The following ABHD2 variants were observed in gnomAD, a reference collection of about 807,000 sequenced individuals.
ABHD2 encodes monoacylglycerol lipase ABHD2.
Under a neutral mutation model 48.1 loss-of-function variants are expected in ABHD2, and 20 were observed. The observed-to-expected ratio is 0.42, with a 90% CI of 0.29 to 0.60. The LOEUF (loss-of-function observed/expected upper bound fraction) is 0.60. Ranked by LOEUF, ABHD2 falls within the 20% of genes least tolerant of loss-of-function variation. ABHD2 has a pLI of 0.24. For synonymous variants in ABHD2, 209 were observed against 214.2 expected, an observed-to-expected ratio of 0.98 and a Z score of 0.21; for missense variants, 405 against 550.9, an observed-to-expected ratio of 0.74 and a Z score of 2.65.
the ABHD2 span, among the ~76,000 whole-genome samples, chr15:89,072,977 T>C: frequency 6.9e-6 from 1 of 143,982 alleles, no homozygotes; most frequent in Admixed American, 7.0e-5. Flanking sequence ...TTTTCACTAC[T>C]TAAAATAATT....
At position 89,177,174 on chromosome 15, in the gene ABHD2, C is replaced by A. The variant is rs530246676; in HGVS notation, c.722+1179C>A. On this transcript the variant is annotated intron_variant, in intron 6 of 10. Transcript: ENST00000352732. This position sits in a 1 kb window ranked among gnomAD's most constrained non-coding sequence, Gnocchi z 5.6. ...AGGTCTGGGTTCTATTTTTCCGTGC[C>A]GGCAATATGGGGATGATGATGATAA... 1.4e-4 allele frequency among the ~76,000 whole-genome samples: 22 copies of A among 152,218 alleles called. No homozygotes were observed. The highest frequency in any genetic ancestry group is 4.8e-4 in the African/African-American group (20 of 41,534).
rs769912531 is a variant in ABHD2, at chr15:89,120,106, G to A, written c.194+3585G>A. ...AAAAAGTTGATGAAAGGTGAACATC[G>A]AAAGCATGCTCGAGGAGCAGGGATT... On this transcript the variant is annotated intron_variant, in intron 3 of 10. Transcript: ENST00000352732. The surrounding 1 kb of genome is among the most constrained non-coding windows in gnomAD (Gnocchi z 4.2). 1.5e-4 allele frequency among the ~76,000 whole-genome samples: 23 copies of A among 152,270 alleles called. No homozygotes were observed. The highest frequency in any genetic ancestry group is 3.4e-3 in the Middle Eastern group (1 of 292).
chr15:89,184,501 C>T lies in ABHD2; in HGVS notation c.723-923C>T, dbSNP rs1007201083. ...CTGTAATGAGTGTGGACTCAGTGTC[C>T]GCCTGCGTTTGGATTCACGCCCAAG... On this transcript the variant is annotated intron_variant, in intron 6 of 10. Coordinates refer to ENST00000352732, the MANE Select transcript of ABHD2 (RefSeq NM_152924.5). The surrounding 1 kb of genome is among the most constrained non-coding windows in gnomAD (Gnocchi z 5.1). Among the ~76,000 whole-genome samples the T allele has an allele frequency of 1.9e-4, 29 of 152,100 alleles. No individual in the cohort carries two copies. Among genetic ancestry groups the T allele is most frequent in the African/African-American group, 6.0e-4 (25 of 41,480 alleles).
At chr15:89,122,946 G>A (rs1170890974) in intron 3 of ABHD2, among the ~76,000 whole-genome samples, 2 of 152,240 alleles carry the variant, frequency 1.3e-5, no homozygotes, top group Admixed American at 6.5e-5. Context: ...AGAAGCCCCT[G>A]CAGAGTCCAG....
the ABHD2 span, among the ~76,000 whole-genome samples, chr15:89,060,820 T>C: frequency 2.0e-5 from 3 of 152,158 alleles, no homozygotes; most frequent in Non-Finnish European, 4.4e-5. Context: ...ATTTCTTTCC[T>C]AGTTTTGTCC....
chr15:89,190,546 C>T (rs1420232105), intron 8 of ABHD2, among the ~76,000 whole-genome samples: 3 of 152,090 alleles, frequency 2.0e-5, no homozygotes, highest in African/African-American at 7.2e-5. Flanking sequence ...AGTAAATGTC[C>T]TTGAATTTCA....
In ABHD2 at chr15:89,197,378, C is replaced by T. The variant is rs1478038002; in HGVS notation, c.*1955C>T. The T allele has an allele frequency of 6.6e-6, 1 of 152,610 alleles. No individual in the cohort carries two copies. The highest frequency in any genetic ancestry group is 1.5e-5 in the Non-Finnish European group (1 of 68,042). 9.5% of individuals were successfully genotyped at this position (152,610 alleles called of 1,614,324 possible). On this transcript the variant is annotated 3_prime_UTR_variant, in exon 11 of 11. Transcript: ENST00000352732. The surrounding 1 kb of genome is among the most constrained non-coding windows in gnomAD (Gnocchi z 4.4). ...CTTTTAGCACAGACTGGCACTTTACCCTCTCAGTTTGGAAGTTAGCCCCTC... is the reference window on the plus strand; with the variant it reads ...CTTTTAGCACAGACTGGCACTTTACTCTCTCAGTTTGGAAGTTAGCCCCTC...
the ABHD2 span, among the ~76,000 whole-genome samples, chr15:89,057,813 A>G: frequency 0.014 from 2,150 of 152,192 alleles, 35 homozygotes; most frequent in African/African-American, 0.05. Context: ...GAACTTTCCA[A>G]TCACACTGTC....
At chr15:89,131,066 G>A (rs1162606601) in intron 3 of ABHD2, among the ~76,000 whole-genome samples, 1 of 152,126 alleles carries the variant, frequency 6.6e-6, no homozygotes, top group Admixed American at 6.5e-5. Context: ...GAATGCAATA[G>A]CTTTCCCTCC....
intron 3 of ABHD2, among the ~76,000 whole-genome samples, chr15:89,147,261 T>G (rs1490814158): frequency 2.6e-5 from 4 of 151,852 alleles, no homozygotes; most frequent in African/African-American, 9.7e-5. Context: ...TAAAAGTAAG[T>G]GGATTTAAGG....
the ABHD2 span, chr15:89,082,396 A>C: frequency 6.6e-6 from 1 of 152,144 alleles, no homozygotes; most frequent in African/African-American, 2.4e-5. The surrounding 1 kb of genome is among the most constrained non-coding windows in gnomAD (Gnocchi z 4.4). Flanking sequence ...TCTGGCCTCC[A>C]CCACCAGCCC....
chr15:89,086,037 G>T (rs1398957495), upstream of ABHD2, among the ~76,000 whole-genome samples: 17 of 147,854 alleles, frequency 1.1e-4, no homozygotes, highest in South Asian at 2.4e-3. Context: ...AATCTTTTTT[G>T]TTTTTTTTTT....
chr15:89,121,153 C>A (rs1214225545), intron 3 of ABHD2, among the ~76,000 whole-genome samples: 1 of 152,218 alleles, frequency 6.6e-6, no homozygotes, highest in Non-Finnish European at 1.5e-5. Flanking sequence ...AGGATGCAAA[C>A]CTAGGTCTTC....
At chr15:89,117,639 A>C (rs1246975657) in intron 3 of ABHD2, among the ~76,000 whole-genome samples, 1 of 152,168 alleles carries the variant, frequency 6.6e-6, no homozygotes, top group Non-Finnish European at 1.5e-5. Context: ...TGTCTTCCTC[A>C]AGTGTGTCCG....
At position 89,179,892 on chromosome 15, in the gene ABHD2, G is replaced by A. The variant is rs1448824729; in HGVS notation, c.722+3897G>A. On this transcript the variant is annotated intron_variant, in intron 6 of 10. Coordinates refer to ENST00000352732, the MANE Select transcript of ABHD2 (RefSeq NM_152924.5). The surrounding 1 kb of genome is among the most constrained non-coding windows in gnomAD (Gnocchi z 4.3). ...AACATCCTAGCATTCTTTGAGCAAG[G>A]CCTTCCTGCCATGGGGAAGAGGCAG... Among the ~76,000 whole-genome samples, 1 of 152,206 alleles carries A rather than the reference G, an allele frequency of 6.6e-6. No individual in the cohort carries two copies. Among genetic ancestry groups the A allele is most frequent in the Non-Finnish European group, 1.5e-5 (1 of 68,032 alleles).
rs1243840491 is a variant in ABHD2 at position 89,197,115 on chromosome 15, C to G, written c.*1692C>G. On this transcript the variant is annotated 3_prime_UTR_variant, in exon 11 of 11. Coordinates refer to ENST00000352732, the MANE Select transcript of ABHD2 (RefSeq NM_152924.5). This position sits in a 1 kb window ranked among gnomAD's most constrained non-coding sequence, Gnocchi z 4.4. ...GCCACAGGTGGGTGTGGTTTGGGCA[C>G]GGGTCCAAGTGACTGTGACGGGACC... 1 of 152,656 alleles carries G rather than the reference C, an allele frequency of 6.6e-6. No homozygotes were observed. The highest frequency in any genetic ancestry group is 1.9e-4 in the East Asian group (1 of 5,190). The allele number at this position is 152,656 out of a possible 1,614,324, so 9.5% of individuals were successfully genotyped here.
chr15:89,072,990 A>G, the ABHD2 span, among the ~76,000 whole-genome samples: 4 of 99,112 alleles, frequency 4.0e-5, no homozygotes, highest in Admixed American at 1.1e-4. Flanking sequence ...AAATAATTTT[A>G]TAAGTATAGC....
At chr15:89,043,453 G>GAA in the ABHD2 span, among the ~76,000 whole-genome samples, 40 of 145,844 alleles carry the variant, frequency 2.7e-4, no homozygotes, top group Admixed American at 1.6e-3. Flanking sequence ...AGAAGGAGGA[G>GAA]GAGGAGAAGG....
chr15:89,119,258 A>C (rs561154429), intron 3 of ABHD2, among the ~76,000 whole-genome samples: 1 of 152,346 alleles, frequency 6.6e-6, no homozygotes, highest in Admixed American at 6.5e-5. Flanking sequence ...TTGGAGCATT[A>C]CTTAAGCAGC....
Sources: allele counts gnomAD v4.1 joint callset (sites outside exome capture counted in the v4.1 genomes callset), GRCh38; gene constraint gnomAD v4.1.1; non-coding constraint Gnocchi (gnomAD v3.1); transcripts MANE v1.5; gene names NCBI Gene and HGNC (gene_info 2026-07-23, HGNC 2026-07-21).